Variants in SLC12A1 observed in about 807,000 individuals in gnomAD.
SLC12A1 encodes the protein solute carrier family 12 member 1, also known as Na-K-2Cl cotransporter.
A neutral mutation model predicts 130.4 loss-of-function variants in SLC12A1; 89 were observed. The ratio of observed to expected loss-of-function variants is 0.68; its 90% CI spans 0.58 to 0.81. The LOEUF (loss-of-function observed/expected upper bound fraction) is 0.81, where lower values mean the gene tolerates loss of function less well. Ranked by LOEUF, SLC12A1 falls within the 40% of genes least tolerant of loss-of-function variation. The pLI is 0.00. For synonymous variants in SLC12A1, 499 were observed against 460.0 expected (o/e 1.08, Z -1.09); for missense variants, 1,310 against 1,336.4 (o/e 0.98, Z 0.31).
chr15:48,279,259 C>T (rs566753990), intron 20 of SLC12A1, among the ~76,000 whole-genome samples: 1 of 152,236 alleles, frequency 6.6e-6, no homozygotes, highest in Admixed American at 6.5e-5. Flanking sequence ...TGCTGTAATT[C>T]AGGGCCTAAT....
chr15:48,244,201 G>A (rs1387890486), intron 10 of SLC12A1, among the ~76,000 whole-genome samples: 3 of 152,158 alleles, frequency 2.0e-5, no homozygotes, highest in African/African-American at 7.2e-5. Flanking sequence ...GGAAATCTGA[G>A]TATTTTATCC....
chr15:48,279,411 T>G (rs1314847320), intron 20 of SLC12A1, among the ~76,000 whole-genome samples: 1 of 152,212 alleles, frequency 6.6e-6, no homozygotes, highest in Non-Finnish European at 1.5e-5. Flanking sequence ...TATACTGTAG[T>G]TAATAAAGCA....
At chr15:48,250,519 G>T (rs2041634534) in intron 14 of SLC12A1, among the ~76,000 whole-genome samples, 1 of 152,136 alleles carries the variant, frequency 6.6e-6, no homozygotes, top group South Asian at 2.1e-4. Flanking sequence ...GTGACTCCAT[G>T]CCATGTTATG....
rs1396102798 is a variant in SLC12A1, at chr15:48,301,001, AGT to A, written c.3097-311_3097-310del. 7.2e-5 allele frequency among the ~76,000 whole-genome samples: 11 copies of A among 152,304 alleles called. No individual in the cohort carries two copies. In the South Asian group the frequency reaches 8.3e-4, roughly 11 times the overall value. ...ATGGCAGGTTCATGAGGCTCCTTGT[AGT>A]GTAGGAAGAGGCCAGGGTAGGAGAA... On this transcript the variant is annotated intron_variant, in intron 25 of 26. Transcript: ENST00000380993.
rs749848045 is a variant in SLC12A1, at chr15:48,230,488, G to C, written c.960G>C (p.Met320Ile). 3.1e-6 allele frequency: 5 copies of C among 1,606,966 alleles called. No homozygotes were observed. Among genetic ancestry groups the C allele is most frequent in the Non-Finnish European group, 4.3e-6 (5 of 1,174,752 alleles). Residue 320 changes from methionine (M) to isoleucine (I), a missense_variant, in exon 7 of 27, where the codon ATG (methionine) becomes ATC (isoleucine). Coordinates refer to ENST00000380993, the MANE Select transcript of SLC12A1 (RefSeq NM_000338.3). ...TTCTAGGAATTTCAGTAGCTGGAAT[G>C]GAATGGGAGGCAAAGGTAAATTTCT... ...VILLGISVAG[M>I]EWEAKAQVIL...
Position 48,274,608 on chromosome 15 carries a change from A to G in SLC12A1, c.2440A>G (p.Arg814Gly). 1 of 1,613,290 alleles carries G rather than the reference A, an allele frequency of 6.2e-7. No homozygotes were observed. Among genetic ancestry groups the G allele is most frequent in the South Asian group, 1.1e-5 (1 of 91,026 alleles). The change falls in exon 20 of 27, where the codon AGA (arginine) becomes GGA (glycine). Residue 814 changes from arginine (R) to glycine (G), a missense_variant. By Grantham distance (125) the Arg-to-Gly change is moderately radical. Transcript: ENST00000380993. Reference protein sequence around the residue: ...FDFEIGVVIVRISQGFDISQV... With the variant: ...FDFEIGVVIVGISQGFDISQV... ...TTTTGAGATTGGCGTGGTTATAGTC[A>G]GAATCAGCCAAGGATTTGACATCTC...
In SLC12A1 at chr15:48,297,731, C is replaced by T. The variant is rs565663283; in HGVS notation, c.2961-1409C>T. Among the ~76,000 whole-genome samples, 22 of 152,314 alleles carry T rather than the reference C, an allele frequency of 1.4e-4. No homozygotes were observed. The South Asian group carries it at 4.3e-3, about 30-fold the overall frequency. ...TTTTCAGAGCACTGTCACCCAAATA[C>T]TCACAGTGACTCTCAAGCCAGTTTC... On this transcript the variant is annotated intron_variant, in intron 24 of 26. Coordinates refer to ENST00000380993, the MANE Select transcript of SLC12A1 (RefSeq NM_000338.3).
intron 24 of SLC12A1, among the ~76,000 whole-genome samples, chr15:48,298,590 T>C (rs1368466993): frequency 6.6e-6 from 1 of 152,244 alleles, no homozygotes; most frequent in African/African-American, 2.4e-5. Flanking sequence ...CAAATTGTTC[T>C]ACAATCATTA....
chr15:48,235,895 T>C (rs1396075864), intron 9 of SLC12A1, among the ~76,000 whole-genome samples: 1 of 152,090 alleles, frequency 6.6e-6, no homozygotes, highest in Non-Finnish European at 1.5e-5. Flanking sequence ...GGGCAAGCAA[T>C]TCCTAGAACT....
At chr15:48,290,350 C>T (rs1300275520) in intron 23 of SLC12A1, among the ~76,000 whole-genome samples, 3 of 152,184 alleles carry the variant, frequency 2.0e-5, no homozygotes, top group African/African-American at 7.2e-5. Flanking sequence ...CTGCCTGAAG[C>T]TGTTTCACAG....
At chr15:48,294,235 C>A (rs2141122414) in intron 24 of SLC12A1, among the ~76,000 whole-genome samples, 1 of 150,494 alleles carries the variant, frequency 6.6e-6, no homozygotes, top group East Asian at 2.0e-4. Flanking sequence ...GTAGTCCCAA[C>A]TACTCTGGAG....
At chr15:48,287,313 C>A (rs1384303433) in intron 21 of SLC12A1, among the ~76,000 whole-genome samples, 2 of 151,986 alleles carry the variant, frequency 1.3e-5, no homozygotes, top group South Asian at 4.2e-4. Flanking sequence ...TTATATACAC[C>A]CTTAATTATA....
chr15:48,226,415 C>T lies in SLC12A1; in HGVS notation c.629-61C>T, dbSNP rs576809437. ...AAGTTAAAGGCAGTGTAGTTTGCAG[C>T]AATAGGGAATCCAAGGAAGAAAAGT... is the stretch of plus-strand genomic sequence containing the variant. On this transcript the variant is annotated intron_variant, in intron 4 of 26. Coordinates refer to ENST00000380993, the MANE Select transcript of SLC12A1 (RefSeq NM_000338.3). 73 of 1,036,300 alleles carry T rather than the reference C, an allele frequency of 7.0e-5. No homozygotes were observed. In the African/African-American group the frequency reaches 1.1e-3, roughly 16 times the overall value. The allele number at this position is 1,036,300 out of a possible 1,614,324, so 64.2% of individuals were successfully genotyped here.
Position 48,269,724 on chromosome 15 carries a change from G to A in SLC12A1, c.2362G>A (p.Ala788Thr), listed in dbSNP as rs141282557. The stretch of plus-strand genomic sequence containing the variant: ...TGGATATAAGAAAAACTGGAGGAAA[G>A]CTCCCTTGACAGAGATTGAGAACTA... ...VIGYKKNWRK[A>T]PLTEIENYVG... The change falls in exon 19 of 27, where the codon GCT (alanine) becomes ACT (threonine). Residue 788 changes from alanine (A) to threonine (T), a missense_variant. Transcript: ENST00000380993. 594 of 1,611,278 alleles carry A rather than the reference G, an allele frequency of 3.7e-4. 2 individuals carry two copies. Among genetic ancestry groups the A allele is most frequent in the Non-Finnish European group, 4.4e-4 (517 of 1,177,864 alleles).
intron 9 of SLC12A1, among the ~76,000 whole-genome samples, chr15:48,236,151 A>G (rs2041438069): frequency 6.6e-6 from 1 of 151,930 alleles, no homozygotes; most frequent in Admixed American, 6.6e-5. Flanking sequence ...TAGAAGACAC[A>G]GGTTTTACCA....
intron 17 of SLC12A1, among the ~76,000 whole-genome samples, chr15:48,263,224 T>C (rs1253240236): frequency 6.6e-6 from 1 of 152,186 alleles, no homozygotes; most frequent in Non-Finnish European, 1.5e-5. Context: ...GGATCAAAAG[T>C]TAATTGAATT....
intron 12 of SLC12A1, 88 bp from the exon 13 acceptor site, chr15:48,247,249 T>C (rs1308434368): frequency 1.4e-6 from 2 of 1,381,330 alleles, no homozygotes; most frequent in East Asian, 4.6e-5. Context: ...TCACTTAATC[T>C]TTCCCCAAAT....
At chr15:48,274,540 A>T (rs745976668) in intron 19 of SLC12A1, 31 bp from the exon 20 acceptor site, 1 of 1,503,368 alleles carries the variant, frequency 6.7e-7, no homozygotes, top group Non-Finnish European at 9.2e-7. Context: ...AGAGCCATTT[A>T]AAACGCTGAC....
At chr15:48,301,609 C>T (rs567194011) in intron 26 of SLC12A1, among the ~76,000 whole-genome samples, 2 of 151,482 alleles carry the variant, frequency 1.3e-5, no homozygotes, top group African/African-American at 4.9e-5. Flanking sequence ...CTTGGACTTG[C>T]TGTCCACCAT....
Sources: gnomAD v4.1 joint callset for allele counts (sites outside exome capture counted in the v4.1 genomes callset) on GRCh38, gnomAD v4.1.1 for gene constraint, MANE v1.5 for transcripts, NCBI Gene and HGNC (gene_info 2026-07-23, HGNC 2026-07-21) for gene names.